Variants in CACNA2D3 observed in about 807,000 individuals in gnomAD.
The protein encoded by CACNA2D3 is voltage-dependent calcium channel subunit alpha-2/delta-3.
Under a neutral mutation model 160.6 loss-of-function variants are expected in CACNA2D3, and 60 were observed. The observed-to-expected ratio is 0.37, with a 90% CI of 0.30 to 0.46. The LOEUF (loss-of-function observed/expected upper bound fraction) is 0.46, where lower values mean the gene tolerates loss of function less well. Among genes scored for constraint, CACNA2D3 ranks in the 20% least tolerant of loss-of-function variants. The probability of loss-of-function intolerance (pLI) is 1.00; values close to 1 mark genes in which losing one functional copy is unlikely to be tolerated. For synonymous variants in CACNA2D3, 558 were observed against 492.9 expected (o/e 1.13, Z -1.75); for missense variants, 1,205 against 1,365.0 (o/e 0.88, Z 1.85).
intron 2 of CACNA2D3, among the ~76,000 whole-genome samples, chr3:54,266,170 T>C (rs1702513212): frequency 1.3e-5 from 2 of 152,190 alleles, no homozygotes; most frequent in Admixed American, 1.3e-4. Context: ...GCCTGAGCTT[T>C]GTAGAAGTGA....
At chr3:54,806,461 A>C (rs993090367) in intron 13 of CACNA2D3, among the ~76,000 whole-genome samples, 4 of 152,196 alleles carry the variant, frequency 2.6e-5, no homozygotes, top group Admixed American at 6.5e-5. Flanking sequence ...CAATTGCTTC[A>C]AAGAGAATAA....
chr3:54,489,673 A>G (rs1701076366), intron 4 of CACNA2D3, among the ~76,000 whole-genome samples: 1 of 152,230 alleles, frequency 6.6e-6, no homozygotes, highest in South Asian at 2.1e-4. Flanking sequence ...ACTTCACTCC[A>G]TGGCTTTTAG....
At chr3:54,201,508 T>G (rs904632153) in intron 2 of CACNA2D3, among the ~76,000 whole-genome samples, 3 of 152,252 alleles carry the variant, frequency 2.0e-5, no homozygotes, top group Non-Finnish European at 2.9e-5. Context: ...AGTAAATGTT[T>G]ACACCTTTAG....
intron 11 of CACNA2D3, among the ~76,000 whole-genome samples, chr3:54,748,944 A>C (rs959273041): frequency 7.2e-5 from 11 of 152,240 alleles, no homozygotes; most frequent in Non-Finnish European, 1.6e-4. Context: ...GCTCTCAGTT[A>C]AATGAGCAGT....
chr3:55,061,281 AAC>A (rs1448110069), intron 35 of CACNA2D3, among the ~76,000 whole-genome samples: 1 of 152,230 alleles, frequency 6.6e-6, no homozygotes, highest in Non-Finnish European at 1.5e-5. Context: ...TAACTATGAA[AAC>A]ACAGCACATT....
Position 54,601,115 on chromosome 3 carries a change from T to C in CACNA2D3, c.963+19238T>C, listed in dbSNP as rs373937397. Reference sequence around the variant, plus strand: ...ACATTTGACTGTGCATTTTGACTTATTTACTTTCTGAAATCCCATTCTGCT... The same window carrying C: ...ACATTTGACTGTGCATTTTGACTTACTTACTTTCTGAAATCCCATTCTGCT... On this transcript the variant is annotated intron_variant, in intron 9 of 37. Transcript: ENST00000474759. 4.6e-5 allele frequency among the ~76,000 whole-genome samples: 7 copies of C among 152,308 alleles called. No homozygotes were observed. The South Asian group carries it at 8.3e-4, about 18-fold the overall frequency.
At chr3:54,665,750 G>A (rs1040672253) in intron 11 of CACNA2D3, among the ~76,000 whole-genome samples, 6 of 151,922 alleles carry the variant, frequency 3.9e-5, no homozygotes, top group Admixed American at 1.3e-4. Context: ...TGTAGCGATG[G>A]GTGGGTGGGT....
At chr3:54,558,302 G>A (rs1317779527) in intron 5 of CACNA2D3, among the ~76,000 whole-genome samples, 2 of 152,184 alleles carry the variant, frequency 1.3e-5, no homozygotes, top group African/African-American at 2.4e-5. Context: ...GAGGGTACAG[G>A]GCTCTAGGCC....
intron 4 of CACNA2D3, among the ~76,000 whole-genome samples, chr3:54,471,563 G>A (rs987193783): frequency 6.6e-6 from 1 of 152,142 alleles, no homozygotes; most frequent in Non-Finnish European, 1.5e-5. Flanking sequence ...GAGCAGAACT[G>A]AAGGAGATAG....
At chr3:54,581,932 A>G in intron 9 of CACNA2D3, 55 bp downstream of exon 9, 1 of 1,451,592 alleles carries the variant, frequency 6.9e-7, no homozygotes. Context: ...TCTCCCTCAT[A>G]GTGATTGTTT....
intron 27 of CACNA2D3, among the ~76,000 whole-genome samples, chr3:54,964,848 C>T (rs1702110136): frequency 6.6e-6 from 1 of 151,102 alleles, no homozygotes; most frequent in South Asian, 2.1e-4. Context: ...GTTTTTTGCA[C>T]TTTAAATCAT....
intron 27 of CACNA2D3, among the ~76,000 whole-genome samples, chr3:54,911,428 G>A (rs761246383): frequency 3.0e-5 from 4 of 133,266 alleles, no homozygotes; most frequent in South Asian, 2.4e-4. Flanking sequence ...TCCTGGGCTC[G>A]AGTGATCCTC....
chr3:54,719,406 C>CT, intron 11 of CACNA2D3, among the ~76,000 whole-genome samples: 1 of 151,792 alleles, frequency 6.6e-6, no homozygotes, highest in African/African-American at 2.4e-5. Context: ...GCTTGTGCAC[C>CT]TATTAAAATT....
At chr3:54,305,516 A>G (rs1289888318) in intron 2 of CACNA2D3, among the ~76,000 whole-genome samples, 2 of 152,262 alleles carry the variant, frequency 1.3e-5, no homozygotes, top group African/African-American at 4.8e-5. Context: ...ATATGTTTAA[A>G]GTACAGAAAC....
At chr3:54,723,896 C>T (rs930253625) in intron 11 of CACNA2D3, among the ~76,000 whole-genome samples, 4 of 152,192 alleles carry the variant, frequency 2.6e-5, no homozygotes, top group Middle Eastern at 3.2e-3. Flanking sequence ...ATCATAATGA[C>T]AGGATCAAAT....
At chr3:55,016,808 C>A (rs1391181970) in intron 34 of CACNA2D3, among the ~76,000 whole-genome samples, 1 of 152,166 alleles carries the variant, frequency 6.6e-6, no homozygotes, top group African/African-American at 2.4e-5. Flanking sequence ...AACCCCCAAC[C>A]AATTTCCTCA....
intron 2 of CACNA2D3, among the ~76,000 whole-genome samples, chr3:54,288,610 A>G (rs1370580512): frequency 6.6e-6 from 1 of 152,144 alleles, no homozygotes; most frequent in Non-Finnish European, 1.5e-5. Flanking sequence ...CCGGGCAGAG[A>G]CACAACCAAA....
At position 55,056,261 on chromosome 3, in the gene CACNA2D3, T is replaced by C. The variant is rs1034984854; in HGVS notation, c.2988-17184T>C. ...AAATTAAAATGACAATGAGATATCA[T>C]TTCACACCTGCCAGACTAGCTCTTA... On this transcript the variant is annotated intron_variant, in intron 35 of 37. Transcript: ENST00000474759. 3.0e-4 allele frequency among the ~76,000 whole-genome samples: 46 copies of C among 152,296 alleles called. 1 individual carries two copies. The highest frequency in any genetic ancestry group is 1.5e-3 in the South Asian group (7 of 4,822).
intron 13 of CACNA2D3, among the ~76,000 whole-genome samples, chr3:54,805,345 C>T (rs376042732): frequency 8.5e-5 from 13 of 152,136 alleles, no homozygotes; most frequent in East Asian, 3.9e-4. Context: ...ATCAAATAGA[C>T]GCAATAAAAA....
Sources: allele counts gnomAD v4.1 joint callset (sites outside exome capture counted in the v4.1 genomes callset), GRCh38; gene constraint gnomAD v4.1.1; transcripts MANE v1.5; gene names NCBI Gene and HGNC (gene_info 2026-07-23, HGNC 2026-07-21).